MAP1B: variants seen among roughly 807,000 people sequenced by gnomAD.
MAP1B encodes the protein microtubule-associated protein 1B.
MAP1B carries 12 observed loss-of-function variants against 176.1 expected under a neutral mutation model. That is an observed-to-expected ratio of 0.07 (90% CI 0.04 to 0.11). The LOEUF is 0.11. Ranked by LOEUF, MAP1B falls within the 10% of genes least tolerant of loss-of-function variation. MAP1B has a pLI of 1.00. For missense variants in MAP1B, 2,523 were observed against 2,990.5 expected (o/e 0.84, Z 3.65); for synonymous variants, 1,044 against 1,135.0 (o/e 0.92, Z 1.61).
Position 72,195,545 on chromosome 5 carries a change from A to G in MAP1B, c.2190A>G (p.Lys730=). The change falls in exon 5 of 7, where the codon AAA becomes AAG. Residue 730 remains lysine, a synonymous_variant. Transcript: ENST00000296755. ...AAAAGGAAGAAAAGGAACCCAAAAA[A>G]GAAATTAAGAAGCTCCCTAAAGACG... The part of the protein sequence containing the change: ...EVKKEEKEPK[K]EIKKLPKDAK... The G allele has an allele frequency of 6.3e-7, 1 of 1,590,246 alleles. No individual in the cohort carries two copies. The highest frequency in any genetic ancestry group is 8.5e-7 in the Non-Finnish European group (1 of 1,174,338).
At chr5:72,121,785 C>A (rs1745534518) in intron 2 of MAP1B, among the ~76,000 whole-genome samples, 1 of 152,186 alleles carries the variant, frequency 6.6e-6, no homozygotes, top group Non-Finnish European at 1.5e-5. Context: ...TTGTATGTGC[C>A]TAGAATACAT....
At chr5:72,161,759 C>T (rs541678890) in intron 2 of MAP1B, among the ~76,000 whole-genome samples, 1 of 152,058 alleles carries the variant, frequency 6.6e-6, no homozygotes, top group South Asian at 2.1e-4. Context: ...GAGTTCCAGA[C>T]CAGCCTGGCC....
intron 3 of MAP1B, among the ~76,000 whole-genome samples, chr5:72,185,792 T>TA (rs932943028): frequency 2.6e-5 from 4 of 152,066 alleles, no homozygotes; most frequent in African/African-American, 9.7e-5. Flanking sequence ...GGTTCTTGGG[T>TA]AAGGGGTCAT....
intron 2 of MAP1B, among the ~76,000 whole-genome samples, chr5:72,124,859 T>C (rs1745597714): frequency 6.6e-6 from 1 of 152,232 alleles, no homozygotes; most frequent in Non-Finnish European, 1.5e-5. Flanking sequence ...TTAGTGCACC[T>C]GGCCCCAGGA....
Position 72,199,153 on chromosome 5 carries a change from C to A in MAP1B, c.5798C>A (p.Pro1933His), listed in dbSNP as rs1168110168. The A allele has an allele frequency of 6.2e-7, 1 of 1,614,016 alleles. No individual in the cohort carries two copies. Among genetic ancestry groups the A allele is most frequent in the Admixed American group, 1.7e-5 (1 of 60,008 alleles). Reference protein sequence around the residue: ...YETIGKTTKTPEDGDYSYEII... With the variant: ...YETIGKTTKTHEDGDYSYEII... The stretch of plus-strand genomic sequence containing the variant: ...ACCATTGGGAAAACTACCAAGACCC[C>A]TGAAGATGGTGACTATTCCTATGAA... The change falls in exon 5 of 7, where the codon CCT (proline) becomes CAT (histidine). Residue 1933 changes from proline to histidine, a missense_variant. Pro to His is a moderately conservative substitution (Grantham distance 77). Transcript: ENST00000296755. This position sits in a 1 kb window ranked among gnomAD's most constrained non-coding sequence, Gnocchi z 4.2.
intron 2 of MAP1B, chr5:72,169,404 C>G (rs570139844): frequency 6.6e-6 from 1 of 152,364 alleles, no homozygotes; most frequent in African/African-American, 2.4e-5. Flanking sequence ...GATTTGCTTA[C>G]TTCTAAAGAC....
chr5:72,203,533 C>T, intron 5 of MAP1B, 30 bp from the exon 6 acceptor site: 3 of 1,529,544 alleles, frequency 2.0e-6, no homozygotes, highest in African/African-American at 1.4e-5. Flanking sequence ...CTTGCTATGA[C>T]CTTGCTTTGT....
Position 72,198,285 on chromosome 5 carries a change from T to C in MAP1B, c.4930T>C (p.Ser1644Pro), listed in dbSNP as rs1281905730. ...TCAAGATCACAGATCTGAACAGTCC[T>C]CAATGTCTATTGAATTTGGCCAAGA... ...PVQDHRSEQS[S>P]MSIEFGQESP... Residue 1644 changes from serine to proline, a missense_variant, in exon 5 of 7, where the codon TCA (serine) becomes CCA (proline). Physicochemically the swap from Ser to Pro is moderately conservative, Grantham distance 74. Transcript: ENST00000296755. 1 of 1,614,218 alleles carries C rather than the reference T, an allele frequency of 6.2e-7. No individual in the cohort carries two copies.
chr5:72,178,725 GGTGTGTGTGTGTGTGT>G (rs34082751), intron 2 of MAP1B, among the ~76,000 whole-genome samples: 11 of 140,506 alleles, frequency 7.8e-5, no homozygotes, highest in South Asian at 2.4e-4. Flanking sequence ...GCCTCTGAGG[GGTGTGTGTGTGTGTGT>G]GTGTGTGTGT....
At position 72,199,286 on chromosome 5, in the gene MAP1B, T is replaced by C. The variant is rs760557369; in HGVS notation, c.5931T>C (p.Thr1977=). Residue 1977 remains threonine (T), a synonymous_variant, in exon 5 of 7, where the codon ACT becomes ACC. Coordinates refer to ENST00000296755, the MANE Select transcript of MAP1B (RefSeq NM_005909.5). The surrounding 1 kb of genome is among the most constrained non-coding windows in gnomAD (Gnocchi z 4.2). ...TGAGTGGTTACAGCTATGAAAAGAC[T>C]GAGAGGTCTAGAAGGCTTCTGGATG... The part of the protein sequence containing the change: ...PEVSGYSYEK[T]ERSRRLLDDI... 6.2e-7 allele frequency: 1 copy of C among 1,614,130 alleles called. No homozygotes were observed. Among genetic ancestry groups the C allele is most frequent in the South Asian group, 1.1e-5 (1 of 91,074 alleles).
intron 2 of MAP1B, among the ~76,000 whole-genome samples, chr5:72,137,512 A>G (rs934555447): frequency 6.6e-6 from 1 of 152,214 alleles, no homozygotes; most frequent in East Asian, 1.9e-4. Context: ...ACCTGGCCAA[A>G]TCAAGCAAAT....
chr5:72,166,823 G>T (rs1266987000), intron 2 of MAP1B, among the ~76,000 whole-genome samples: 1 of 152,140 alleles, frequency 6.6e-6, no homozygotes, highest in Non-Finnish European at 1.5e-5. Context: ...TGACTGGCGC[G>T]CAGTGCTGGG....
At chr5:72,131,412 A>C (rs1373911119) in intron 2 of MAP1B, among the ~76,000 whole-genome samples, 1 of 152,222 alleles carries the variant, frequency 6.6e-6, no homozygotes, top group Non-Finnish European at 1.5e-5. Flanking sequence ...ACGCAGATTT[A>C]TCCTGGACTT....
In MAP1B at chr5:72,163,994, C is replaced by CT. The variant is rs1561303046; in HGVS notation, c.287-19749_287-19748insT. Among the ~76,000 whole-genome samples, 4 of 140,086 alleles carry CT rather than the reference C, an allele frequency of 2.9e-5. No homozygotes were observed. The Admixed American group carries it at 2.9e-4, about 10-fold the overall frequency. 91.9% of individuals were successfully genotyped at this position (140,086 alleles called of 152,430 possible). The stretch of plus-strand genomic sequence containing the variant: ...TGTCACCCAGACTGGAGTACAGTGG[C>CT]ACAATCAGGGCTAACTGCAGCCTTG... On this transcript the variant is annotated intron_variant, in intron 2 of 6. Transcript: ENST00000296755.
intron 2 of MAP1B, chr5:72,116,100 G>A: frequency 6.0e-6 from 2 of 333,862 alleles, no homozygotes; most frequent in Non-Finnish European, 1.2e-5. Context: ...TCCAGGGCTT[G>A]AGAAAGAGAG....
intron 2 of MAP1B, among the ~76,000 whole-genome samples, chr5:72,144,770 TAAAC>T (rs1199153439): frequency 6.6e-6 from 1 of 152,198 alleles, no homozygotes; most frequent in Non-Finnish European, 1.5e-5. Flanking sequence ...TTGGGTCTTT[TAAAC>T]AGTTTTTTAG....
intron 2 of MAP1B, among the ~76,000 whole-genome samples, chr5:72,173,458 C>A (rs984752068): frequency 6.6e-6 from 1 of 152,140 alleles, no homozygotes; most frequent in Non-Finnish European, 1.5e-5. Context: ...ATAGGAAATA[C>A]AAAAGCAGGA....
chr5:72,147,188 C>T (rs1450601977), intron 2 of MAP1B, among the ~76,000 whole-genome samples: 2 of 151,950 alleles, frequency 1.3e-5, no homozygotes, highest in Admixed American at 6.6e-5. Flanking sequence ...AGGCTGGTCT[C>T]GAACTCCTGA....
At chr5:72,155,459 A>G (rs1746210705) in intron 2 of MAP1B, among the ~76,000 whole-genome samples, 1 of 152,260 alleles carries the variant, frequency 6.6e-6, no homozygotes, top group African/African-American at 2.4e-5. Context: ...TAGTTATACT[A>G]ACAATAAGAA....
Sources: allele counts gnomAD v4.1 joint callset (sites outside exome capture counted in the v4.1 genomes callset), GRCh38; gene constraint gnomAD v4.1.1; non-coding constraint Gnocchi (gnomAD v3.1); transcripts MANE v1.5; gene names NCBI Gene and HGNC (gene_info 2026-07-23, HGNC 2026-07-21).